RNF170: variants seen among roughly 807,000 people sequenced by gnomAD.
RNF170 encodes ring finger protein 170.
A neutral mutation model predicts 32.7 loss-of-function variants in RNF170; 12 were observed. The ratio of observed to expected loss-of-function variants is 0.37; its 90% CI spans 0.24 to 0.60. The LOEUF (loss-of-function observed/expected upper bound fraction) is 0.60. Among genes scored for constraint, RNF170 ranks in the 20% least tolerant of loss-of-function variants. The pLI, the probability that RNF170 is intolerant of heterozygous loss-of-function variation, is 0.72. For missense variants in RNF170, 212 were observed against 311.2 expected (o/e 0.68, Z 2.40); for synonymous variants, 91 against 103.6 (o/e 0.88, Z 0.74).
chr8:42,893,547 C>A (rs1037378614), intron 1 of RNF170, among the ~76,000 whole-genome samples: 1 of 152,130 alleles, frequency 6.6e-6, no homozygotes, highest in Non-Finnish European at 1.5e-5. Flanking sequence ...AACTGCCACT[C>A]TTTTTTGGGG....
chr8:42,858,226 G>A (rs1047712214), intron 6 of RNF170, among the ~76,000 whole-genome samples: 1 of 151,072 alleles, frequency 6.6e-6, no homozygotes, highest in Non-Finnish European at 1.5e-5. Context: ...AACATGATTG[G>A]ATTAAGTTTT....
chr8:42,862,870 A>G (rs1033479224), intron 5 of RNF170, among the ~76,000 whole-genome samples: 20 of 152,376 alleles, frequency 1.3e-4, no homozygotes, highest in African/African-American at 4.8e-4. Flanking sequence ...CAGGGTGACT[A>G]CAACACCCAC....
downstream of RNF170, chr8:42,850,625 C>G: frequency 1.3e-6 from 1 of 790,502 alleles, no homozygotes; most frequent in East Asian, 2.7e-5. Flanking sequence ...AGCTTGTGTT[C>G]TAGTGAGAAG....
intron 1 of RNF170, among the ~76,000 whole-genome samples, chr8:42,892,312 T>G (rs1806369184): frequency 6.6e-6 from 1 of 152,184 alleles, no homozygotes; most frequent in Non-Finnish European, 1.5e-5. Flanking sequence ...ACTACAGGTG[T>G]GCACCACTAA....
chr8:42,893,437 G>A (rs369500557), intron 1 of RNF170, among the ~76,000 whole-genome samples: 1 of 152,178 alleles, frequency 6.6e-6, no homozygotes, highest in South Asian at 2.1e-4. Flanking sequence ...TCTTCAGACA[G>A]CAAACAAGCA....
intron 3 of RNF170, among the ~76,000 whole-genome samples, chr8:42,873,700 T>G (rs1473734845): frequency 2.6e-5 from 4 of 152,226 alleles, no homozygotes. Flanking sequence ...ATAGGAAAAC[T>G]GCTATCTTTT....
At chr8:42,850,702 C>T, downstream of RNF170, 6 of 1,499,504 alleles carry the variant, frequency 4.0e-6, no homozygotes, top group Non-Finnish European at 5.4e-6. Flanking sequence ...TCAGAGTGCC[C>T]TGGGGTAAGG....
upstream of RNF170, chr8:42,896,758 G>GCGT (rs1806959530): frequency 6.9e-6 from 1 of 144,492 alleles, no homozygotes. Context: ...AGCGGCGGCG[G>GCGT]CGGCGGCGGC....
At chr8:42,897,124 CG>C, upstream of RNF170, 1 of 1,244,940 alleles carries the variant, frequency 8.0e-7, no homozygotes, top group Non-Finnish European at 1.0e-6. Context: ...CTGGCCGCGG[CG>C]GGGAAGATGT....
rs754103678 is a variant in RNF170 at position 42,856,268 on chromosome 8, G to T, written c.668C>A (p.Ala223Asp). 6 of 1,604,792 alleles carry T rather than the reference G, an allele frequency of 3.7e-6. No individual in the cohort carries two copies. Among genetic ancestry groups the T allele is most frequent in the Admixed American group, 3.5e-5 (2 of 57,574 alleles). The change falls in exon 7 of 7, where the codon GCC becomes GAC. Residue 223 changes from alanine to aspartate, a missense_variant. Physicochemically the swap from Ala to Asp is moderately radical, Grantham distance 126. Coordinates refer to ENST00000527424, the MANE Select transcript of RNF170 (RefSeq NM_030954.4). The stretch of plus-strand genomic sequence containing the variant: ...TAGAAAGCCTAGAATTCCAAACAAG[G>T]CTTCAGGTACAAAATCTAGAGGTGA... Reference protein sequence around the residue: ...LISPLDFVPEALFGILGFLDD... With the variant: ...LISPLDFVPEDLFGILGFLDD...
intron 2 of RNF170, among the ~76,000 whole-genome samples, chr8:42,886,232 A>AAAT (rs917924700): frequency 4.6e-5 from 7 of 151,628 alleles, no homozygotes; most frequent in Admixed American, 2.6e-4. Flanking sequence ...TCAAAAAAAA[A>AAAT]AATAATAATA....
chr8:42,860,614 G>T (rs970277713), intron 6 of RNF170, among the ~76,000 whole-genome samples: 3 of 151,974 alleles, frequency 2.0e-5, no homozygotes, highest in Non-Finnish European at 4.4e-5. Context: ...GTAGAGACAG[G>T]GTTTCACCAT....
upstream of RNF170, chr8:42,897,067 T>C (rs556821402): frequency 3.4e-4 from 403 of 1,180,766 alleles, 2 homozygotes; most frequent in South Asian, 0.01. Flanking sequence ...GGCCCCCGGA[T>C]CCCCCGACAG....
chr8:42,874,380 A>G (rs1804750539), intron 2 of RNF170, among the ~76,000 whole-genome samples: 1 of 152,242 alleles, frequency 6.6e-6, no homozygotes, highest in Non-Finnish European at 1.5e-5. Context: ...ACATCTAATT[A>G]GATCCTTCTC....
At chr8:42,861,899 T>A (rs1803692384) in intron 5 of RNF170, 44 bp from the exon 6 acceptor site, 1 of 1,533,322 alleles carries the variant, frequency 6.5e-7, no homozygotes, top group East Asian at 2.3e-5. Flanking sequence ...TTCTGCATCA[T>A]TATGTTTTTT....
chr8:42,865,118 A>T (rs2128929505), intron 5 of RNF170, among the ~76,000 whole-genome samples: 1 of 152,030 alleles, frequency 6.6e-6, no homozygotes, highest in Non-Finnish European at 1.5e-5. Context: ...TTAGCCAGGC[A>T]TGGTGGCACA....
chr8:42,877,573 C>T (rs1313669459), intron 2 of RNF170, among the ~76,000 whole-genome samples: 2 of 152,148 alleles, frequency 1.3e-5, no homozygotes, highest in East Asian at 3.8e-4. Context: ...GGAAAGTACC[C>T]TCTTTCAACA....
chr8:42,859,948 C>A (rs1803534375), intron 6 of RNF170, among the ~76,000 whole-genome samples: 1 of 152,072 alleles, frequency 6.6e-6, no homozygotes, highest in South Asian at 2.1e-4. Flanking sequence ...CTGTGCCCAG[C>A]CAGCAAGAAT....
chr8:42,872,377 A>G (rs1804587097), intron 3 of RNF170, among the ~76,000 whole-genome samples: 1 of 152,214 alleles, frequency 6.6e-6, no homozygotes, highest in East Asian at 1.9e-4. Flanking sequence ...GTAAATTATA[A>G]AACACTATCT....
Sources: allele counts gnomAD v4.1 joint callset (sites outside exome capture counted in the v4.1 genomes callset), GRCh38; gene constraint gnomAD v4.1.1; transcripts MANE v1.5; gene names NCBI Gene and HGNC (gene_info 2026-07-23, HGNC 2026-07-21).